The following ZNF277 variants were observed in gnomAD, a reference collection of about 807,000 sequenced individuals.
ZNF277 encodes zinc finger protein 277, also known as nuclear receptor-interacting factor 4.
ZNF277 carries 55 observed loss-of-function variants against 60.7 expected under a neutral mutation model. The observed-to-expected ratio is 0.91, with a 90% confidence interval of 0.73 to 1.13. The LOEUF is 1.13. ZNF277 is among the 50% of genes most tolerant of loss of function. ZNF277 has a pLI of 0.00. For missense variants in ZNF277, 510 were observed against 523.0 expected, an observed-to-expected ratio of 0.98 and a Z score of 0.24; for synonymous variants, 178 against 179.3, an observed-to-expected ratio of 0.99 and a Z score of 0.06.
intron 4 of ZNF277, among the ~76,000 whole-genome samples, chr7:112,308,012 A>T (rs1480387504): frequency 6.6e-6 from 1 of 151,850 alleles, no homozygotes; most frequent in Non-Finnish European, 1.5e-5. Context: ...TTGGTGTTTG[A>T]TCTTGGTGTT....
At chr7:112,263,834 C>T (rs1791488246) in intron 1 of ZNF277, among the ~76,000 whole-genome samples, 1 of 152,096 alleles carries the variant, frequency 6.6e-6, no homozygotes, top group Non-Finnish European at 1.5e-5. Flanking sequence ...GCTGTGAACA[C>T]TATCCCCTGA....
intron 1 of ZNF277, among the ~76,000 whole-genome samples, chr7:112,235,473 C>G (rs186763090): frequency 2.6e-5 from 4 of 152,144 alleles, no homozygotes; most frequent in Admixed American, 2.6e-4. Flanking sequence ...GAAGTAGTAT[C>G]TTATTATAGT....
At chr7:112,206,829 C>G (rs1050949268) in intron 1 of ZNF277, 22 bp downstream of exon 1, 3 of 1,608,300 alleles carry the variant, frequency 1.9e-6, no homozygotes, top group Non-Finnish European at 2.6e-6. Flanking sequence ...GCCCCGGAGG[C>G]GCGGCTGATG....
At chr7:112,270,894 AAAAAATAAAATAAAAAT>A (rs1258694027) in intron 1 of ZNF277, among the ~76,000 whole-genome samples, 1 of 152,046 alleles carries the variant, frequency 6.6e-6, no homozygotes, top group Non-Finnish European at 1.5e-5. Context: ...TGGGAGTAGC[AAAAAATAAAATAAAAAT>A]AAAAATAAAA....
At chr7:112,329,259 T>C (rs997640197) in intron 6 of ZNF277, among the ~76,000 whole-genome samples, 1 of 152,170 alleles carries the variant, frequency 6.6e-6, no homozygotes, top group Non-Finnish European at 1.5e-5. Context: ...AGACACTATA[T>C]GGCTCCAGAA....
At chr7:112,340,243 C>A (rs945984635) in intron 10 of ZNF277, among the ~76,000 whole-genome samples, 2 of 152,102 alleles carry the variant, frequency 1.3e-5, no homozygotes, top group African/African-American at 4.8e-5. Context: ...TGACATTGGG[C>A]CTCAGGTCAG....
At chr7:112,255,835 G>T (rs1303316550) in intron 1 of ZNF277, among the ~76,000 whole-genome samples, 2 of 152,158 alleles carry the variant, frequency 1.3e-5, no homozygotes, top group African/African-American at 4.8e-5. Context: ...TATGCGCCTT[G>T]AAGTGCCCTG....
At chr7:112,227,701 A>AAT (rs772610420) in intron 1 of ZNF277, among the ~76,000 whole-genome samples, 23 of 152,244 alleles carry the variant, frequency 1.5e-4, no homozygotes, top group Non-Finnish European at 3.1e-4. Flanking sequence ...CCTCATTATA[A>AAT]ATATATATAA....
chr7:112,289,540 A>G (rs1792156411), intron 2 of ZNF277, among the ~76,000 whole-genome samples: 1 of 152,222 alleles, frequency 6.6e-6, no homozygotes, highest in African/African-American at 2.4e-5. Flanking sequence ...TCATTAAAAT[A>G]TATGTGTGTG....
At chr7:112,289,641 C>G (rs1273817115) in intron 2 of ZNF277, among the ~76,000 whole-genome samples, 2 of 152,216 alleles carry the variant, frequency 1.3e-5, no homozygotes, top group Non-Finnish European at 2.9e-5. Flanking sequence ...TCAGACACTT[C>G]TTAGGCTAGA....
At chr7:112,264,202 T>G (rs908555072) in intron 1 of ZNF277, among the ~76,000 whole-genome samples, 2 of 152,034 alleles carry the variant, frequency 1.3e-5, no homozygotes, top group Non-Finnish European at 2.9e-5. Context: ...ACACTAATAT[T>G]CATTAGCTTA....
chr7:112,224,596 G>A (rs1407216161), intron 1 of ZNF277, among the ~76,000 whole-genome samples: 1 of 152,198 alleles, frequency 6.6e-6, no homozygotes, highest in Admixed American at 6.5e-5. Flanking sequence ...ATCACCTGGG[G>A]GATGGCAAGA....
chr7:112,238,146 A>G (rs1359663857), intron 1 of ZNF277, among the ~76,000 whole-genome samples: 9 of 152,192 alleles, frequency 5.9e-5, no homozygotes, highest in Non-Finnish European at 1.3e-4. Flanking sequence ...CACATCAACG[A>G]AAAAGGCACT....
chr7:112,269,322 T>C (rs1263151823), intron 1 of ZNF277, among the ~76,000 whole-genome samples: 1 of 152,128 alleles, frequency 6.6e-6, no homozygotes, highest in East Asian at 1.9e-4. Flanking sequence ...TGGGGAATCT[T>C]GAGTGGTACT....
At chr7:112,286,000 A>G (rs567673056) in intron 1 of ZNF277, among the ~76,000 whole-genome samples, 28 of 152,298 alleles carry the variant, frequency 1.8e-4, no homozygotes, top group African/African-American at 5.8e-4. Flanking sequence ...TTTCCTGATT[A>G]CTAACTACTA....
At chr7:112,330,371 G>A (rs1239847694) in intron 7 of ZNF277, 155 bp downstream of exon 7, 5 of 676,530 alleles carry the variant, frequency 7.4e-6, no homozygotes, top group South Asian at 1.9e-5. Context: ...AATGGTTAGA[G>A]TACAAGACAT....
intron 1 of ZNF277, among the ~76,000 whole-genome samples, chr7:112,208,623 G>C (rs111767337): frequency 3.1e-3 from 387 of 123,738 alleles, no homozygotes; most frequent in Non-Finnish European, 5.4e-3. Context: ...CCTACAATCC[G>C]TATTCTGTTA....
chr7:112,330,940 G>A lies in ZNF277; in HGVS notation c.801+724G>A, dbSNP rs561503855. On this transcript the variant is annotated intron_variant, in intron 7 of 11. Coordinates refer to ENST00000361822, the MANE Select transcript of ZNF277 (RefSeq NM_021994.3). Reference sequence around the variant, plus strand: ...AACTGTTGAGTACTGGATGTGTTAGGTGCTATGCAAAATAATTCTTTAAAA... The same window carrying A: ...AACTGTTGAGTACTGGATGTGTTAGATGCTATGCAAAATAATTCTTTAAAA... Among the ~76,000 whole-genome samples the A allele has an allele frequency of 6.6e-5, 10 of 152,040 alleles. No homozygotes were observed. In the East Asian group the frequency reaches 7.7e-4, roughly 12 times the overall value.
intron 7 of ZNF277, among the ~76,000 whole-genome samples, chr7:112,330,689 C>G (rs1000260876): frequency 2.0e-5 from 3 of 151,828 alleles, no homozygotes; most frequent in Non-Finnish European, 4.4e-5. Flanking sequence ...CTCAGCCTCC[C>G]CAGTAGCTGG....
Sources: gnomAD v4.1 joint callset for allele counts (sites outside exome capture counted in the v4.1 genomes callset) on GRCh38, gnomAD v4.1.1 for gene constraint, MANE v1.5 for transcripts, NCBI Gene and HGNC (gene_info 2026-07-23, HGNC 2026-07-21) for gene names.